Variants in ANKRD36C observed in about 807,000 individuals in gnomAD.
ANKRD36C encodes ankyrin repeat domain 36C, also known as ankyrin repeat domain-containing protein 36C.
A neutral mutation model predicts 276.4 loss-of-function variants in ANKRD36C; 61 were observed. The ratio of observed to expected loss-of-function variants is 0.22; its 90% CI spans 0.18 to 0.27. The LOEUF (loss-of-function observed/expected upper bound fraction) is 0.27. Ranked by LOEUF, ANKRD36C falls within the 10% of genes least tolerant of loss-of-function variation. The pLI is 1.00. For missense variants in ANKRD36C, 1,447 were observed against 2,032.3 expected, an observed-to-expected ratio of 0.71 and a Z score of 5.54; for synonymous variants, 483 against 680.1, an observed-to-expected ratio of 0.71 and a Z score of 4.51.
At chr2:95,908,785 T>A in intron 42 of ANKRD36C, 88 bp from the exon 47 acceptor site, 2 of 1,523,978 alleles carry the variant, frequency 1.3e-6, no homozygotes, top group Non-Finnish European at 1.8e-6. Flanking sequence ...TCAACCTCTG[T>A]CCTCCTGCCT....
At chr2:95,958,328 C>A (rs1239730202) in intron 12 of ANKRD36C, among the ~76,000 whole-genome samples, 1 of 151,954 alleles carries the variant, frequency 6.6e-6, no homozygotes, top group East Asian at 1.9e-4. Context: ...TATGCTGTCC[C>A]CTCAGCCTGT....
chr2:95,957,486 T>A (rs1678355807), intron 12 of ANKRD36C, among the ~76,000 whole-genome samples: 1 of 152,304 alleles, frequency 6.6e-6, no homozygotes, highest in African/African-American at 2.4e-5. Flanking sequence ...TTATTTTTCA[T>A]ACCCATGTGG....
intron 58 of ANKRD36C, among the ~76,000 whole-genome samples, chr2:95,878,091 G>A (rs1675994891): frequency 6.7e-6 from 1 of 149,028 alleles, no homozygotes; most frequent in South Asian, 2.2e-4. Context: ...GGCTGAGGCA[G>A]GAGAATCGCT....
intron 6 of ANKRD36C, among the ~76,000 whole-genome samples, chr2:95,963,112 G>C (rs1266409961): frequency 6.6e-6 from 1 of 152,036 alleles, no homozygotes; most frequent in East Asian, 1.9e-4. Flanking sequence ...CTAGTGGACA[G>C]TATTCATTAT....
At chr2:95,979,477 T>C (rs1292777547) in intron 5 of ANKRD36C, among the ~76,000 whole-genome samples, 1 of 152,000 alleles carries the variant, frequency 6.6e-6, no homozygotes, top group Non-Finnish European at 1.5e-5. Context: ...TCCTGTGAAG[T>C]AGAATCCGAA....
intron 59 of ANKRD36C, among the ~76,000 whole-genome samples, chr2:95,870,839 A>T (rs1450555868): frequency 6.6e-6 from 1 of 152,234 alleles, no homozygotes; most frequent in Non-Finnish European, 1.5e-5. Flanking sequence ...ATGAAGCTGA[A>T]AGCCGAGGCT....
upstream of ANKRD36C, chr2:95,991,807 G>T (rs548200158): frequency 8.2e-4 from 969 of 1,174,642 alleles, 15 homozygotes; most frequent in South Asian, 0.013. Flanking sequence ...GTCTGTCCAC[G>T]GACCTTCGCA....
At chr2:95,890,561 C>T (rs893224034) in intron 46 of ANKRD36C, among the ~76,000 whole-genome samples, 13 of 151,452 alleles carry the variant, frequency 8.6e-5, no homozygotes, top group Non-Finnish European at 1.6e-4. Context: ...ATATTCATTA[C>T]CTCTCACACC....
exon 55 of ANKRD36C, chr2:95,882,479 G>A (rs745496346): frequency 1.2e-4 from 183 of 1,549,744 alleles, no homozygotes; most frequent in Middle Eastern, 2.3e-4. Flanking sequence ...CTTCTGGGCC[G>A]ATTGTTTCTG....
chr2:95,893,749 T>C (rs770158405), intron 44 of ANKRD36C, 25 bp from the exon 63 acceptor site: 2 of 1,604,548 alleles, frequency 1.2e-6, no homozygotes, highest in South Asian at 2.2e-5. Flanking sequence ...GGATTCATAA[T>C]CACTCATATG....
At position 95,986,342 on chromosome 2, in the gene ANKRD36C, C is replaced by G. The variant is rs1232069214; in HGVS notation, c.486+409G>C. 2.0e-5 allele frequency among the ~76,000 whole-genome samples: 3 copies of G among 152,032 alleles called. 1 individual carries two copies. The highest frequency in any genetic ancestry group is 7.3e-5 in the African/African-American group (3 of 41,278). On this transcript the variant is annotated intron_variant, in intron 3 of 66. Transcript: ENST00000456556. ...TACTTGTCAACAGCAACAAGATGTA[C>G]ATTTATTGTGAAATTCTTTAATTTT...
chr2:95,865,612 T>C (rs1675668550), intron 60 of ANKRD36C, among the ~76,000 whole-genome samples: 1 of 152,108 alleles, frequency 6.6e-6, no homozygotes. Context: ...ATACATTTGT[T>C]TTTCATATTT....
At chr2:95,959,211 A>G (rs559672572) in intron 10 of ANKRD36C, among the ~76,000 whole-genome samples, 1 of 152,274 alleles carries the variant, frequency 6.6e-6, no homozygotes, top group East Asian at 1.9e-4. Flanking sequence ...AATATTTATC[A>G]TGTTCTTAAA....
rs1389199050 is a variant in ANKRD36C, at chr2:95,902,948, T to A, written c.2654-3612A>T. ...TATATTCAAAAGAGAATCTTTCTCG[T>A]CTCTTGTAGCCTGAATGGAATTTGA... On this transcript the variant is annotated intron_variant, in intron 42 of 66. Transcript: ENST00000456556. 7 of 1,590,322 alleles carry A rather than the reference T, an allele frequency of 4.4e-6. 1 individual carries two copies. Among genetic ancestry groups the A allele is most frequent in the Non-Finnish European group, 6.0e-6 (7 of 1,166,522 alleles).
chr2:95,966,205 C>A (rs1281152009), intron 6 of ANKRD36C, among the ~76,000 whole-genome samples: 2 of 152,190 alleles, frequency 1.3e-5, no homozygotes, highest in Non-Finnish European at 1.5e-5. Context: ...GCTTTTGTTG[C>A]CATTGCTTTT....
chr2:95,892,438 A>T (rs111537959), intron 44 of ANKRD36C, among the ~76,000 whole-genome samples: 2 of 151,536 alleles, frequency 1.3e-5, no homozygotes, highest in Non-Finnish European at 3.0e-5. Context: ...ATTATCTCTC[A>T]CACCCATATG....
At chr2:95,917,187 A>C (rs1210537660) in intron 36 of ANKRD36C, among the ~76,000 whole-genome samples, 1 of 151,622 alleles carries the variant, frequency 6.6e-6, no homozygotes. Context: ...TAGTAACAAA[A>C]AGAAGTAATG....
At position 95,858,797 on chromosome 2, in the gene ANKRD36C, T is replaced by G. The variant is rs565370925; in HGVS notation, c.3896+1064A>C. The stretch of plus-strand genomic sequence containing the variant: ...CCCTACACTTTTTAAGATTGTTTTT[T>G]GGGTAACACTTTCAGTCTATCCTGC... On this transcript the variant is annotated intron_variant, in intron 61 of 66. Coordinates refer to ENST00000456556, the Ensembl canonical transcript of ANKRD36C. Among the ~76,000 whole-genome samples the G allele has an allele frequency of 9.9e-5, 15 of 152,278 alleles. No individual in the cohort carries two copies. In the South Asian group the frequency reaches 3.1e-3, roughly 32 times the overall value.
chr2:95,880,189 A>AAAAAC (rs1205862557), intron 58 of ANKRD36C, among the ~76,000 whole-genome samples: 2 of 151,854 alleles, frequency 1.3e-5, no homozygotes, highest in Non-Finnish European at 2.9e-5. Context: ...TCCAAAAACA[A>AAAAAC]AAAACAAAAC....
Sources: allele counts gnomAD v4.1 joint callset (sites outside exome capture counted in the v4.1 genomes callset), GRCh38; gene constraint gnomAD v4.1.1; transcripts MANE v1.5; gene names NCBI Gene and HGNC (gene_info 2026-07-23, HGNC 2026-07-21).